The following ATPAF1 variants were observed in gnomAD, a reference collection of about 807,000 sequenced individuals.
The protein encoded by ATPAF1 is ATP synthase mitochondrial F1 complex assembly factor 1, also known as homolog of yeast ATP11.
A neutral mutation model predicts 43.9 loss-of-function variants in ATPAF1; 26 were observed. The observed-to-expected ratio is 0.59, with a 90% CI of 0.43 to 0.82. The LOEUF (loss-of-function observed/expected upper bound fraction) is 0.82, where lower values mean the gene tolerates loss of function less well. Among genes scored for constraint, ATPAF1 ranks in the 40% least tolerant of loss-of-function variants. The pLI is 0.00. For missense variants in ATPAF1, 366 were observed against 435.0 expected (o/e 0.84, Z 1.41); for synonymous variants, 157 against 168.0 (o/e 0.93, Z 0.50).
At chr1:46,657,651 A>G (rs1676297771) in intron 4 of ATPAF1, among the ~76,000 whole-genome samples, 1 of 152,190 alleles carries the variant, frequency 6.6e-6, no homozygotes, top group Non-Finnish European at 1.5e-5. Flanking sequence ...AGCCCAGACA[A>G]GTTGATTAAC....
chr1:46,654,546 ATTATTATTATTATTG>A (rs1025872752), intron 4 of ATPAF1, among the ~76,000 whole-genome samples: 4 of 147,908 alleles, frequency 2.7e-5, no homozygotes, highest in African/African-American at 9.9e-5. Flanking sequence ...TATTATTATT[ATTATTATTATTATTG>A]TACTTTAAGT....
intron 6 of ATPAF1, 85 bp from the exon 7 acceptor site, chr1:46,645,341 T>G: frequency 9.2e-7 from 1 of 1,081,970 alleles, no homozygotes; most frequent in Non-Finnish European, 1.4e-6. Flanking sequence ...TTCATTCCAT[T>G]TCCTCCATAT....
intron 5 of ATPAF1, among the ~76,000 whole-genome samples, chr1:46,652,963 C>A (rs1676199265): frequency 6.6e-6 from 1 of 151,894 alleles, no homozygotes; most frequent in Non-Finnish European, 1.5e-5. Context: ...TCTAAAACAT[C>A]ACAAAAAGCG....
intron 4 of ATPAF1, 97 bp downstream of exon 4, chr1:46,658,030 A>G (rs759461320): frequency 2.5e-6 from 3 of 1,186,752 alleles, no homozygotes; most frequent in African/African-American, 1.5e-5. Flanking sequence ...ATTACCTTTC[A>G]TTGTGGCTAG....
intron 8 of ATPAF1, among the ~76,000 whole-genome samples, chr1:46,642,008 T>C (rs1675959549): frequency 6.6e-6 from 1 of 152,180 alleles, no homozygotes; most frequent in Non-Finnish European, 1.5e-5. Flanking sequence ...GGATATCTAA[T>C]AGGCATCTCA....
intron 8 of ATPAF1, among the ~76,000 whole-genome samples, chr1:46,640,959 C>A (rs1477873175): frequency 6.6e-6 from 1 of 152,190 alleles, no homozygotes; most frequent in African/African-American, 2.4e-5. Flanking sequence ...CTCCTGCTGT[C>A]ATATTCCTGG....
At chr1:46,647,242 G>A (rs1676060387) in intron 6 of ATPAF1, among the ~76,000 whole-genome samples, 1 of 151,988 alleles carries the variant, frequency 6.6e-6, no homozygotes, top group African/African-American at 2.4e-5. Context: ...AAGACATATT[G>A]GGTCTGTCTG....
intron 8 of ATPAF1, 126 bp from the exon 9 acceptor site, chr1:46,636,096 T>A (rs774107216): frequency 9.7e-7 from 1 of 1,032,358 alleles, no homozygotes; most frequent in East Asian, 2.4e-5. Flanking sequence ...CTTAACTTCT[T>A]GAAGTCCCTA....
At chr1:46,665,187 A>T in intron 2 of ATPAF1, 69 bp downstream of exon 2, 19 of 1,495,704 alleles carry the variant, frequency 1.3e-5, no homozygotes, top group Non-Finnish European at 1.8e-5. Flanking sequence ...AACTTTAAGG[A>T]TAAGGGTGAG....
rs940365090 is a variant in ATPAF1, at chr1:46,636,927, T to C, written c.793-957A>G. On this transcript the variant is annotated intron_variant, in intron 8 of 8. Coordinates refer to ENST00000574428, the Ensembl canonical transcript of ATPAF1. ...AGGCCTCTGCCAAGAGCCATGTGAG[T>C]GGGGCTGGATGCAGACGCTCAAGCC... Among the ~76,000 whole-genome samples the C allele has an allele frequency of 6.2e-4, 94 of 152,216 alleles. 1 individual carries two copies. Among genetic ancestry groups the C allele is most frequent in the African/African-American group, 2.1e-3 (86 of 41,526 alleles).
In ATPAF1 at chr1:46,668,096, A is replaced by G; in HGVS notation, c.227T>C (p.Phe76Ser). 1 of 1,454,864 alleles carries G rather than the reference A, an allele frequency of 6.9e-7. No individual in the cohort carries two copies. Among genetic ancestry groups the G allele is most frequent in the Non-Finnish European group, 9.1e-7 (1 of 1,101,900 alleles). The allele number at this position is 1,454,864 out of a possible 1,614,324, so 90.1% of individuals were successfully genotyped here. The change falls in exon 1 of 9, where the codon TTC (phenylalanine) becomes TCC (serine). Residue 76 changes from phenylalanine to serine, a missense_variant. Transcript: ENST00000574428. The surrounding 1 kb of genome is among the most constrained non-coding windows in gnomAD (Gnocchi z 4.4). The stretch of plus-strand genomic sequence containing the variant: ...GATCTTGTCGCGGTAGCGGTCGTAG[A>G]AAGGGTTGGCCTGGAGCTCGGCCTC...
At position 46,635,979 on chromosome 1, in the gene ATPAF1, T is replaced by TA. The variant is rs1675831787; in HGVS notation, c.793-10dup. On this transcript the variant is annotated splice_polypyrimidine_tract_variant and intron_variant, in intron 8 of 8. Transcript: ENST00000574428. ...TGTGCCTCAGCAACATTCTGTAAGG[T>TA]AAAAAGAATAATGAGGTCCTTTCTT... 1 of 1,613,536 alleles carries TA rather than the reference T, an allele frequency of 6.2e-7. No homozygotes were observed. Among genetic ancestry groups the TA allele is most frequent in the Non-Finnish European group, 8.5e-7 (1 of 1,179,824 alleles).
chr1:46,667,823 A>G (rs1676516526), intron 1 of ATPAF1, among the ~76,000 whole-genome samples: 1 of 152,216 alleles, frequency 6.6e-6, no homozygotes, highest in Non-Finnish European at 1.5e-5. Context: ...TAGCGTTTGG[A>G]GAACCAAAGC....
rs1400885114 is a variant in ATPAF1 at position 46,653,607 on chromosome 1, A to G, written c.540+210T>C. On this transcript the variant is annotated intron_variant, in intron 5 of 8. Coordinates refer to ENST00000574428, the Ensembl canonical transcript of ATPAF1. This position sits in a 1 kb window ranked among gnomAD's most constrained non-coding sequence, Gnocchi z 4.8. ...AGAGACTTGACTCAGAGACATTTCTAAAGTAGAAAGGAGGAAAACAAGAGC... is the reference window on the plus strand; with the variant it reads ...AGAGACTTGACTCAGAGACATTTCTGAAGTAGAAAGGAGGAAAACAAGAGC... Among the ~76,000 whole-genome samples, 1 of 152,210 alleles carries G rather than the reference A, an allele frequency of 6.6e-6. No individual in the cohort carries two copies. The highest frequency in any genetic ancestry group is 2.4e-5 in the African/African-American group (1 of 41,450).
chr1:46,644,466 G>C lies in ATPAF1; in HGVS notation c.684+695C>G, dbSNP rs186206431. ...TTATTAAAGTATGTACTCAATAAAG[G>C]GTTGTTAGACATATTACAAAATAGC... On this transcript the variant is annotated intron_variant, in intron 7 of 8. Coordinates refer to ENST00000574428, the Ensembl canonical transcript of ATPAF1. Among the ~76,000 whole-genome samples, 9 of 152,168 alleles carry C rather than the reference G, an allele frequency of 5.9e-5. No individual in the cohort carries two copies. The East Asian group carries it at 1.7e-3, about 29-fold the overall frequency.
rs183825477 is a variant in ATPAF1 at position 46,635,588 on chromosome 1, T to C, written c.*188A>G. On this transcript the variant is annotated 3_prime_UTR_variant, in exon 9 of 9. Coordinates refer to ENST00000574428, the Ensembl canonical transcript of ATPAF1. ...GTATGCTGAGATAATTATCAGAATG[T>C]TCAGGTACCTTTGTTCCTGAATATC... 7.3e-5 allele frequency: 42 copies of C among 577,958 alleles called. No homozygotes were observed. In the East Asian group the frequency reaches 1.1e-3, roughly 15 times the overall value. The allele number at this position is 577,958 out of a possible 1,614,324, so 35.8% of individuals were successfully genotyped here. A position where few individuals can be genotyped will look rare whatever the true frequency, so the allele number is the denominator to read the frequency against.
downstream of ATPAF1, chr1:46,633,027 G>T (rs1199565183): frequency 6.5e-6 from 1 of 152,682 alleles, no homozygotes; most frequent in Non-Finnish European, 1.5e-5. Flanking sequence ...ATAAGGCAGT[G>T]GTTCTCAAAG....
At chr1:46,646,301 G>A (rs967286950) in intron 6 of ATPAF1, among the ~76,000 whole-genome samples, 1 of 152,144 alleles carries the variant, frequency 6.6e-6, no homozygotes, top group Admixed American at 6.5e-5. Flanking sequence ...TCTCACTGTT[G>A]TATGGAATTC....
At position 46,653,936 on chromosome 1, in the gene ATPAF1, A is replaced by G; in HGVS notation, c.490-69T>C. 6.8e-7 allele frequency: 1 copy of G among 1,467,122 alleles called. No individual in the cohort carries two copies. Among genetic ancestry groups the G allele is most frequent in the Middle Eastern group, 1.7e-4 (1 of 5,776 alleles). The allele number at this position is 1,467,122 out of a possible 1,614,324, so 90.9% of individuals were successfully genotyped here. On this transcript the variant is annotated intron_variant, in intron 4 of 8. Transcript: ENST00000574428. This position sits in a 1 kb window ranked among gnomAD's most constrained non-coding sequence, Gnocchi z 4.8. The stretch of plus-strand genomic sequence containing the variant: ...TTTCAACATGTGCCAAGAAATGGTG[A>G]CAGTTTTCATTGCTCAGAGGAATAT...
Sources: gnomAD v4.1 joint callset for allele counts (sites outside exome capture counted in the v4.1 genomes callset) on GRCh38, gnomAD v4.1.1 for gene constraint, Gnocchi (gnomAD v3.1) non-coding constraint, MANE v1.5 for transcripts, NCBI Gene and HGNC (gene_info 2026-07-23, HGNC 2026-07-21) for gene names.